The following PICALM variants were observed in gnomAD, a reference collection of about 807,000 sequenced individuals.
PICALM encodes the protein phosphatidylinositol-binding clathrin assembly protein.
A neutral mutation model predicts 80.5 loss-of-function variants in PICALM; 40 were observed. The observed-to-expected ratio is 0.50, with a 90% confidence interval of 0.39 to 0.65. The LOEUF (loss-of-function observed/expected upper bound fraction) is 0.65. PICALM is among the 30% of genes least tolerant of loss of function. The probability of loss-of-function intolerance (pLI) is 0.00; values close to 1 mark genes in which losing one functional copy is unlikely to be tolerated. For synonymous variants in PICALM, 288 were observed against 260.3 expected (o/e 1.11, Z -1.02); for missense variants, 676 against 778.9 (o/e 0.87, Z 1.57).
chr11:86,063,666 C>T (rs1359038275), intron 1 of PICALM, among the ~76,000 whole-genome samples: 1 of 152,082 alleles, frequency 6.6e-6, no homozygotes. Flanking sequence ...AAATAAAATG[C>T]CTCAGGCATT....
intron 1 of PICALM, among the ~76,000 whole-genome samples, chr11:86,065,934 C>A (rs1178182957): frequency 1.3e-5 from 2 of 152,150 alleles, no homozygotes; most frequent in African/African-American, 4.8e-5. Flanking sequence ...CGAAAAACAA[C>A]AGTCCTAAGC....
intron 12 of PICALM, among the ~76,000 whole-genome samples, chr11:85,993,601 G>A (rs2094863919): frequency 6.6e-6 from 1 of 151,646 alleles, no homozygotes; most frequent in Non-Finnish European, 1.5e-5. Context: ...ACCACACCCA[G>A]CTAATTTTTA....
chr11:86,057,136 C>T (rs1174926590), intron 1 of PICALM, among the ~76,000 whole-genome samples: 1 of 151,960 alleles, frequency 6.6e-6, no homozygotes, highest in African/African-American at 2.4e-5. Flanking sequence ...ACTGAATTCT[C>T]TACTTTAAAA....
chr11:86,001,150 G>A lies in PICALM; in HGVS notation c.902C>T (p.Thr301Ile). ...CAGGGAAGACACTGCATTGGAAAGT[G>A]TAGTTGCCCTAGGATAATTGAACAG... ...KDSTAASRAT[T>I]LSNAVSSLAS... The change falls in exon 10 of 20, where the codon ACA becomes ATA. Residue 301 changes from threonine (T) to isoleucine (I), a missense_variant. Physicochemically the swap from Thr to Ile is moderately conservative, Grantham distance 89 (BLOSUM62 -1). Transcript: ENST00000393346. 1 of 1,613,570 alleles carries A rather than the reference G, an allele frequency of 6.2e-7. No individual in the cohort carries two copies. Among genetic ancestry groups the A allele is most frequent in the Non-Finnish European group, 8.5e-7 (1 of 1,179,764 alleles).
chr11:86,021,642 C>G (rs1251301771), intron 4 of PICALM, among the ~76,000 whole-genome samples: 1 of 151,998 alleles, frequency 6.6e-6, no homozygotes, highest in Non-Finnish European at 1.5e-5. Context: ...CTCAAAATGA[C>G]AAACATAAGA....
chr11:85,976,773 A>G (rs2094296243), intron 17 of PICALM, 91 bp from the exon 18 acceptor site: 6 of 743,442 alleles, frequency 8.1e-6, no homozygotes, highest in South Asian at 7.5e-5. Flanking sequence ...TCCACTAAAA[A>G]GAATTGCTAA....
intron 8 of PICALM, chr11:86,003,705 A>T (rs957493226): frequency 1.4e-5 from 4 of 291,630 alleles, no homozygotes; most frequent in East Asian, 5.7e-5. Flanking sequence ...AACATTTTTT[A>T]AAAATCTTGC....
At chr11:85,991,143 C>G (rs1592642775) in intron 12 of PICALM, among the ~76,000 whole-genome samples, 1 of 152,116 alleles carries the variant, frequency 6.6e-6, no homozygotes, top group East Asian at 1.9e-4. Context: ...ATACTGATAC[C>G]TTATTCAAGA....
intron 1 of PICALM, among the ~76,000 whole-genome samples, chr11:86,040,018 A>AAAAAAAAAAG (rs1565515837): frequency 1.1e-4 from 16 of 142,850 alleles, no homozygotes; most frequent in Admixed American, 2.1e-4. Flanking sequence ...AAAAAAAAAA[A>AAAAAAAAAAG]AAAAAAAAAG....
intron 1 of PICALM, among the ~76,000 whole-genome samples, chr11:86,058,650 A>G (rs2096306861): frequency 6.6e-6 from 1 of 152,138 alleles, no homozygotes; most frequent in African/African-American, 2.4e-5. Flanking sequence ...CCACCACCCT[A>G]ACCTTTGCCT....
intron 19 of PICALM, 29 bp from the exon 20 acceptor site, chr11:85,959,089 C>T (rs1477043813): frequency 6.6e-7 from 1 of 1,509,710 alleles, no homozygotes; most frequent in Admixed American, 1.7e-5. Context: ...TATGTTAATT[C>T]ATTGTATTGT....
At chr11:86,049,323 G>A (rs1005645018) in intron 1 of PICALM, among the ~76,000 whole-genome samples, 5 of 151,948 alleles carry the variant, frequency 3.3e-5, no homozygotes, top group Admixed American at 6.6e-5. Flanking sequence ...TCTTTACTCC[G>A]GTTCCATACC....
intron 5 of PICALM, among the ~76,000 whole-genome samples, chr11:86,013,802 T>C (rs1021977468): frequency 2.6e-5 from 4 of 152,174 alleles, no homozygotes; most frequent in Non-Finnish European, 5.9e-5. Flanking sequence ...AAGGGTCAGA[T>C]GGTAAATATT....
chr11:85,995,380 T>G (rs1194241632), intron 12 of PICALM, among the ~76,000 whole-genome samples: 1 of 152,206 alleles, frequency 6.6e-6, no homozygotes. Context: ...TGGAATAATG[T>G]CTTATAACAG....
Position 86,008,834 on chromosome 11 carries a change from T to C in PICALM, c.766-1251A>G, listed in dbSNP as rs1457876077. ...GGCCGGGCGCGGTGGCTCACGCCTG[T>C]AATCCCAGCTCTCAGGGAGGCTAAG... On this transcript the variant is annotated intron_variant, in intron 7 of 19. Transcript: ENST00000393346. Among the ~76,000 whole-genome samples, 3 of 149,124 alleles carry C rather than the reference T, an allele frequency of 2.0e-5. No homozygotes were observed. The East Asian group carries it at 6.0e-4, about 30-fold the overall frequency.
intron 1 of PICALM, among the ~76,000 whole-genome samples, chr11:86,066,673 T>C (rs1447057972): frequency 2.6e-5 from 4 of 151,368 alleles, no homozygotes; most frequent in Non-Finnish European, 4.4e-5. Context: ...AAAAGCCTTA[T>C]CGATTCTTAT....
intron 19 of PICALM, among the ~76,000 whole-genome samples, chr11:85,970,371 A>G (rs2094060795): frequency 6.6e-6 from 1 of 152,256 alleles, no homozygotes; most frequent in African/African-American, 2.4e-5. Context: ...AGAACACTGG[A>G]TACTTATTGA....
At chr11:86,056,269 A>G (rs2096269294) in intron 1 of PICALM, among the ~76,000 whole-genome samples, 1 of 149,710 alleles carries the variant, frequency 6.7e-6, no homozygotes, top group South Asian at 2.1e-4. Flanking sequence ...AAATCATATA[A>G]AGATCTAGTA....
chr11:85,994,924 G>A (rs1284883232), intron 12 of PICALM, among the ~76,000 whole-genome samples: 1 of 152,182 alleles, frequency 6.6e-6, no homozygotes, highest in Non-Finnish European at 1.5e-5. Flanking sequence ...GGCTGTTCTG[G>A]AACTCCTGTC....
Sources: allele counts gnomAD v4.1 joint callset (sites outside exome capture counted in the v4.1 genomes callset), GRCh38; gene constraint gnomAD v4.1.1; transcripts MANE v1.5; gene names NCBI Gene and HGNC (gene_info 2026-07-23, HGNC 2026-07-21).